Variants in GALNT13 observed in about 807,000 individuals in gnomAD.
GALNT13 encodes the protein UDP-GalNAc:polypeptide N-acetylgalactosaminyltransferase 13.
In GALNT13, 28 loss-of-function variants were observed where a neutral mutation model predicts 64.2. The ratio of observed to expected loss-of-function variants is 0.44; its 90% CI spans 0.32 to 0.60. The LOEUF (loss-of-function observed/expected upper bound fraction) is 0.60, where lower values mean the gene tolerates loss of function less well. GALNT13 is among the 20% of genes least tolerant of loss of function. GALNT13 has a pLI of 0.05. For missense variants in GALNT13, 577 were observed against 669.8 expected (o/e 0.86, Z 1.53); for synonymous variants, 214 against 224.6 (o/e 0.95, Z 0.42).
intron 3 of GALNT13, among the ~76,000 whole-genome samples, chr2:153,997,084 A>G (rs1046624797): frequency 1.1e-4 from 17 of 152,030 alleles, no homozygotes; most frequent in African/African-American, 1.7e-4. Context: ...GGTTTGTGGT[A>G]TATTTTGAAA....
chr2:154,440,208 T>C (rs1177795819), intron 12 of GALNT13, among the ~76,000 whole-genome samples: 1 of 152,104 alleles, frequency 6.6e-6, no homozygotes, highest in East Asian at 1.9e-4. Flanking sequence ...AATAAGAAAA[T>C]CTAGAATATA....
the GALNT13 span, among the ~76,000 whole-genome samples, chr2:153,434,425 A>G: frequency 6.6e-6 from 1 of 152,202 alleles, no homozygotes; most frequent in Admixed American, 6.5e-5. Context: ...ACAATGGTTG[A>G]ACTAGTTTAC....
rs369267777 is a variant in GALNT13, at chr2:154,394,077, CAAAAAAAAAAA to C, written c.1157-1897_1157-1887del. Among the ~76,000 whole-genome samples, 159 of 32,014 alleles carry C rather than the reference CAAAAAAAAAAA, an allele frequency of 5.0e-3. 1 individual carries two copies. Among genetic ancestry groups the C allele is most frequent in the African/African-American group, 0.021 (142 of 6,810 alleles). 21.0% of individuals were successfully genotyped at this position (32,014 alleles called of 152,430 possible). ...TGGGCGACAGAGCGAGACTCCGTCT[CAAAAAAAAAAA>C]AAAAAAAAAAAAAAAAGGTATGCAA... On this transcript the variant is annotated intron_variant, in intron 9 of 12. Transcript: ENST00000392825.
the GALNT13 span, among the ~76,000 whole-genome samples, chr2:153,853,155 G>A: frequency 6.6e-6 from 1 of 152,156 alleles, no homozygotes; most frequent in African/African-American, 2.4e-5. Context: ...GAATGATGGA[G>A]GCCAAAAGAC....
chr2:153,228,036 AC>A, the GALNT13 span, among the ~76,000 whole-genome samples: 4 of 152,250 alleles, frequency 2.6e-5, no homozygotes, highest in South Asian at 4.1e-4. Flanking sequence ...TTGGTATAGT[AC>A]TAACAATGCT....
chr2:154,183,274 T>G (rs911162498), intron 4 of GALNT13, among the ~76,000 whole-genome samples: 1 of 152,196 alleles, frequency 6.6e-6, no homozygotes, highest in Non-Finnish European at 1.5e-5. Flanking sequence ...TTATAGAAAT[T>G]TATCTCTTTC....
the GALNT13 span, among the ~76,000 whole-genome samples, chr2:153,275,837 GA>G: frequency 4.7e-4 from 71 of 150,586 alleles, no homozygotes; most frequent in African/African-American, 9.7e-4. Context: ...TTGAAGAACA[GA>G]AAAAAAAAGT....
At chr2:153,272,363 A>G in the GALNT13 span, among the ~76,000 whole-genome samples, 1 of 152,034 alleles carries the variant, frequency 6.6e-6, no homozygotes, top group Admixed American at 6.6e-5. Flanking sequence ...AGTCTATCCA[A>G]CTGACAAAGG....
At chr2:154,126,148 A>G (rs182434500) in intron 3 of GALNT13, among the ~76,000 whole-genome samples, 61 of 152,252 alleles carry the variant, frequency 4.0e-4, no homozygotes, top group African/African-American at 1.3e-3. Context: ...TCTTTCATCA[A>G]TCTACTTTTT....
the GALNT13 span, among the ~76,000 whole-genome samples, chr2:153,535,681 C>T: frequency 4.9e-4 from 75 of 152,264 alleles, no homozygotes; most frequent in Admixed American, 8.5e-4. Context: ...AAAGTATTGT[C>T]CAGTCCTTTT....
the GALNT13 span, among the ~76,000 whole-genome samples, chr2:153,853,675 ATATAAATATAATTATACAATT>A: frequency 7.3e-5 from 11 of 151,362 alleles, no homozygotes; most frequent in African/African-American, 2.7e-4. Flanking sequence ...TGATTCAATT[ATATAAATATAATTATACAATT>A]GCATAATATC....
At chr2:153,806,233 T>C in the GALNT13 span, among the ~76,000 whole-genome samples, 1 of 152,120 alleles carries the variant, frequency 6.6e-6, no homozygotes, top group African/African-American at 2.4e-5. Flanking sequence ...TAGAGTAATG[T>C]TAAAAATTAG....
intron 4 of GALNT13, among the ~76,000 whole-genome samples, chr2:154,203,137 C>A (rs1158013030): frequency 6.6e-6 from 1 of 152,060 alleles, no homozygotes; most frequent in Admixed American, 6.6e-5. Context: ...CAGTGTGAGG[C>A]ATGGGGAGGA....
the GALNT13 span, among the ~76,000 whole-genome samples, chr2:153,203,190 A>G: frequency 6.6e-6 from 1 of 152,218 alleles, no homozygotes; most frequent in Non-Finnish European, 1.5e-5. Flanking sequence ...GGCACATTGC[A>G]GAACCTGAAA....
At chr2:153,092,022 TAGTG>T in the GALNT13 span, among the ~76,000 whole-genome samples, 2 of 152,162 alleles carry the variant, frequency 1.3e-5, no homozygotes, top group Non-Finnish European at 2.9e-5. Context: ...GTTTTGTACA[TAGTG>T]AGAGATAGAG....
the GALNT13 span, among the ~76,000 whole-genome samples, chr2:153,556,063 CTT>C: frequency 6.6e-6 from 1 of 152,050 alleles, no homozygotes; most frequent in East Asian, 1.9e-4. Context: ...AGCAAAATAA[CTT>C]TTTTCAGTCA....
intron 3 of GALNT13, among the ~76,000 whole-genome samples, chr2:154,086,473 CTT>C (rs1701533201): frequency 6.7e-6 from 1 of 148,512 alleles, no homozygotes. Flanking sequence ...TTATATAAAT[CTT>C]AAGATATAGG....
At chr2:153,609,895 A>G in the GALNT13 span, among the ~76,000 whole-genome samples, 1 of 152,268 alleles carries the variant, frequency 6.6e-6, no homozygotes, top group East Asian at 1.9e-4. Context: ...AAACCAAGTC[A>G]CGATGCAGCA....
At chr2:153,269,924 A>C in the GALNT13 span, among the ~76,000 whole-genome samples, 140 of 152,254 alleles carry the variant, frequency 9.2e-4, 1 homozygote, top group Admixed American at 9.1e-3. Flanking sequence ...CCCATAATCC[A>C]ATCACCTATC....
Sources: allele counts gnomAD v4.1 joint callset (sites outside exome capture counted in the v4.1 genomes callset), GRCh38; gene constraint gnomAD v4.1.1; transcripts MANE v1.5; gene names NCBI Gene and HGNC (gene_info 2026-07-23, HGNC 2026-07-21).